The following MYSM1 variants were observed in gnomAD, a reference collection of about 807,000 sequenced individuals.
MYSM1 encodes the protein deubiquitinase MYSM1.
In MYSM1, 51 loss-of-function variants were observed where a neutral mutation model predicts 116.0. The observed-to-expected ratio is 0.44, with a 90% CI of 0.35 to 0.56. MYSM1 has a LOEUF of 0.56. Among genes scored for constraint, MYSM1 ranks in the 20% least tolerant of loss-of-function variants. The pLI is 0.00. For missense variants in MYSM1, 900 were observed against 974.9 expected (o/e 0.92, Z 1.02); for synonymous variants, 313 against 315.2 (o/e 0.99, Z 0.07).
At chr1:58,698,627 A>G (rs2100691239) in intron 1 of MYSM1, among the ~76,000 whole-genome samples, 1 of 152,362 alleles carries the variant, frequency 6.6e-6, no homozygotes, top group African/African-American at 2.4e-5. Flanking sequence ...ACCAATCTTC[A>G]GTGTTTCCAA....
At position 58,671,960 on chromosome 1, in the gene MYSM1, TA is replaced by T; in HGVS notation, c.1573-3del. ...TGCCAACTCCTCAGCAGAGAGATGC[TA>T]AAACAAAATGCCAATTGATTAAGGA... On this transcript the variant is annotated splice_region_variant and splice_polypyrimidine_tract_variant and intron_variant, in intron 11 of 19. Transcript: ENST00000472487. The T allele has an allele frequency of 6.2e-7, 1 of 1,611,544 alleles. No individual in the cohort carries two copies. The highest frequency in any genetic ancestry group is 8.5e-7 in the Non-Finnish European group (1 of 1,178,690).
chr1:58,681,651 A>C, intron 8 of MYSM1, 134 bp downstream of exon 8: 1 of 915,384 alleles, frequency 1.1e-6, no homozygotes, highest in Non-Finnish European at 1.6e-6. Context: ...TTTTCATTAC[A>C]AGAAATCTTA....
rs757481542 is a variant in MYSM1 at position 58,689,045 on chromosome 1, T to C, written c.392A>G (p.Gln131Arg). The stretch of plus-strand genomic sequence containing the variant: ...TAAAATTGCTCTATTTACCAGCCCT[T>C]GTTCAAACAGCTCTTTTTCTTCTAT... ...WTIEEKELFEQGLAKFGRRWT... is the reference protein window; with the variant it reads ...WTIEEKELFERGLAKFGRRWT... The change falls in exon 6 of 20, where the codon CAA becomes CGA. Residue 131 changes from glutamine to arginine, a missense_variant. Physicochemically the swap from Gln to Arg is conservative, Grantham distance 43 (BLOSUM62 1). Coordinates refer to ENST00000472487, the MANE Select transcript of MYSM1 (RefSeq NM_001085487.3). 5 of 1,610,588 alleles carry C rather than the reference T, an allele frequency of 3.1e-6. No homozygotes were observed. Among genetic ancestry groups the C allele is most frequent in the South Asian group, 1.1e-5 (1 of 90,002 alleles).
intron 3 of MYSM1, chr1:58,692,261 G>A (rs1644915363): frequency 6.6e-6 from 1 of 152,070 alleles, no homozygotes; most frequent in African/African-American, 2.4e-5. Context: ...AGATGAAGGA[G>A]ATTAATAAAC....
rs527277712 is a variant in MYSM1, at chr1:58,658,945, T to A, written c.*1052A>T. On this transcript the variant is annotated 3_prime_UTR_variant, in exon 20 of 20. Transcript: ENST00000472487. ...GAGTTAACAATGGTTTTTATCATTT[T>A]AAAGGGCTGTAAAACACACACACAC... 2.9e-5 allele frequency: 3 copies of A among 105,222 alleles called. No individual in the cohort carries two copies. The South Asian group carries it at 9.9e-4, about 35-fold the overall frequency. 6.5% of individuals were successfully genotyped at this position (105,222 alleles called of 1,614,324 possible). A position where few individuals can be genotyped will look rare whatever the true frequency, so the allele number is the denominator to read the frequency against.
In MYSM1 at chr1:58,673,561, G is replaced by A; in HGVS notation, c.1572+12C>T. On this transcript the variant is annotated intron_variant, in intron 11 of 19. Coordinates refer to ENST00000472487, the MANE Select transcript of MYSM1 (RefSeq NM_001085487.3). ...GTTTTCATGGATGAGCCATTTGAAA[G>A]GTCAAAGTTACCTCAAACGTTTGTC... 1 of 1,612,040 alleles carries A rather than the reference G, an allele frequency of 6.2e-7. No individual in the cohort carries two copies. The highest frequency in any genetic ancestry group is 8.5e-7 in the Non-Finnish European group (1 of 1,178,312).
At chr1:58,691,916 A>G (rs1644911489) in intron 3 of MYSM1, among the ~76,000 whole-genome samples, 1 of 152,216 alleles carries the variant, frequency 6.6e-6, no homozygotes, top group Non-Finnish European at 1.5e-5. Context: ...TTAGTACAAA[A>G]ATGTAAAATT....
chr1:58,668,980 G>A lies in MYSM1; in HGVS notation c.1716+4C>T, dbSNP rs753759993. ...ACTGTCATTCATTAATGCATAAATAGTACCTGCTTTTCTTCACTAAAAAAA... is the reference window on the plus strand; with the variant it reads ...ACTGTCATTCATTAATGCATAAATAATACCTGCTTTTCTTCACTAAAAAAA... On this transcript the variant is annotated splice_donor_region_variant and intron_variant, in intron 13 of 19. Coordinates refer to ENST00000472487, the MANE Select transcript of MYSM1 (RefSeq NM_001085487.3). 8 of 1,596,206 alleles carry A rather than the reference G, an allele frequency of 5.0e-6. No individual in the cohort carries two copies. Among genetic ancestry groups the A allele is most frequent in the Non-Finnish European group, 6.8e-6 (8 of 1,170,776 alleles).
At chr1:58,660,354 C>T (rs899288060) in intron 19 of MYSM1, among the ~76,000 whole-genome samples, 199 bp from the exon 20 acceptor site, 1 of 152,098 alleles carries the variant, frequency 6.6e-6, no homozygotes, top group African/African-American at 2.4e-5. Flanking sequence ...GAGGAACACT[C>T]AGCTTAGTAC....
intron 8 of MYSM1, 46 bp from the exon 9 acceptor site, chr1:58,677,102 T>C (rs1489496628): frequency 3.9e-6 from 6 of 1,519,722 alleles, no homozygotes; most frequent in Non-Finnish European, 5.3e-6. Context: ...AATAAAAACG[T>C]GAAAAAAGAT....
chr1:58,685,251 C>A lies in MYSM1; in HGVS notation c.400G>T (p.Ala134Ser), dbSNP rs1475304329. 1 of 1,604,512 alleles carries A rather than the reference C, an allele frequency of 6.2e-7. No homozygotes were observed. Among genetic ancestry groups the A allele is most frequent in the African/African-American group, 1.3e-5 (1 of 74,240 alleles). The change falls in exon 7 of 20, where the codon GCT becomes TCT. Residue 134 changes from alanine to serine, a missense_variant and splice_region_variant. Physicochemically the swap from Ala to Ser is moderately conservative, Grantham distance 99. Coordinates refer to ENST00000472487, the MANE Select transcript of MYSM1 (RefSeq NM_001085487.3). The stretch of plus-strand genomic sequence containing the variant: ...TTGGTCCATCTTCGGCCAAATTTAG[C>A]CTGTATTATTAAAATGGGAAAAAAA... ...EEKELFEQGL[A>S]KFGRRWTKIS...
Position 58,676,939 on chromosome 1 carries a change from G to T in MYSM1, c.1377C>A (p.Ile459=). The T allele has an allele frequency of 1.2e-6, 2 of 1,609,352 alleles. No homozygotes were observed. The highest frequency in any genetic ancestry group is 1.1e-5 in the South Asian group (1 of 89,812). Residue 459 remains isoleucine, a synonymous_variant, in exon 9 of 20, where the codon ATC becomes ATA. Transcript: ENST00000472487. ...IHTYLELIGA[I]NFGCEQAVYN... ...TTTTATTTTTACCACATCCAAAATT[G>T]ATTGCTCCTATCAATTCGAGGTATG...
chr1:58,671,034 T>C (rs1311607091), intron 12 of MYSM1, among the ~76,000 whole-genome samples: 2 of 152,196 alleles, frequency 1.3e-5, no homozygotes, highest in African/African-American at 4.8e-5. Flanking sequence ...ACTGTGTAAG[T>C]TTTATTTTTA....
chr1:58,696,217 C>T (rs1437030335), intron 1 of MYSM1, among the ~76,000 whole-genome samples: 1 of 152,124 alleles, frequency 6.6e-6, no homozygotes, highest in Non-Finnish European at 1.5e-5. Context: ...CTCAAAGAAA[C>T]CTTTGCTCAA....
rs1486353309 is a variant in MYSM1 at position 58,668,970 on chromosome 1, T to C, written c.1716+14A>G. 1 of 1,585,332 alleles carries C rather than the reference T, an allele frequency of 6.3e-7. No individual in the cohort carries two copies. Among genetic ancestry groups the C allele is most frequent in the East Asian group, 2.2e-5 (1 of 44,498 alleles). The stretch of plus-strand genomic sequence containing the variant: ...GGGATTGTCTACTGTCATTCATTAA[T>C]GCATAAATAGTACCTGCTTTTCTTC... On this transcript the variant is annotated intron_variant, in intron 13 of 19. Transcript: ENST00000472487.
intron 5 of MYSM1, 59 bp from the exon 6 acceptor site, chr1:58,689,175 T>C: frequency 7.5e-7 from 1 of 1,326,574 alleles, no homozygotes; most frequent in Non-Finnish European, 1.1e-6. Context: ...TCCATATTTA[T>C]GTAACTAAAG....
In MYSM1 at chr1:58,667,066, C is replaced by T. The variant is rs1353990502; in HGVS notation, c.2003G>A (p.Arg668Gln). The part of the protein sequence containing the change: ...HPAFDPNPSL[R>Q]DIDTQAKYQS... ...GTATTTAGCTTGTGTGTCAATATCT[C>T]GTAAGGAAGGATTAGGATCAAAAGC... Residue 668 changes from arginine to glutamine, a missense_variant, in exon 16 of 20, where the codon CGA (arginine) becomes CAA (glutamine). By Grantham distance (43) the Arg-to-Gln change is conservative (BLOSUM62 1). This residue lies in a region of MYSM1 where 186 missense variants were observed against 196.2 expected (regional missense o/e 0.95). Coordinates refer to ENST00000472487, the MANE Select transcript of MYSM1 (RefSeq NM_001085487.3). 3 of 1,610,784 alleles carry T rather than the reference C, an allele frequency of 1.9e-6. No homozygotes were observed. The highest frequency in any genetic ancestry group is 2.5e-6 in the Non-Finnish European group (3 of 1,178,176).
At chr1:58,673,203 T>C (rs1644589789) in intron 11 of MYSM1, among the ~76,000 whole-genome samples, 1 of 145,928 alleles carries the variant, frequency 6.9e-6, no homozygotes, top group Admixed American at 6.9e-5. Flanking sequence ...AATATATATA[T>C]TTAGAACACA....
At chr1:58,678,087 C>T (rs1290146262) in intron 8 of MYSM1, among the ~76,000 whole-genome samples, 3 of 151,926 alleles carry the variant, frequency 2.0e-5, no homozygotes, top group Admixed American at 6.6e-5. Flanking sequence ...ATCAATGAAC[C>T]ATATATATTA....
Sources: gnomAD v4.1 joint callset for allele counts (sites outside exome capture counted in the v4.1 genomes callset) on GRCh38, gnomAD v4.1.1 for gene constraint, gnomAD v4.1.1 regional missense constraint, MANE v1.5 for transcripts, NCBI Gene and HGNC (gene_info 2026-07-23, HGNC 2026-07-21) for gene names.